The following ELP2 variants were observed in gnomAD, a reference collection of about 807,000 sequenced individuals.
ELP2 encodes elongator complex protein 2.
In ELP2, 90 loss-of-function variants were observed where a neutral mutation model predicts 119.2. The ratio of observed to expected loss-of-function variants is 0.75; its 90% confidence interval spans 0.64 to 0.90. ELP2 has a LOEUF of 0.90. Ranked by LOEUF, ELP2 falls within the 40% of genes least tolerant of loss-of-function variation. The probability of loss-of-function intolerance (pLI) is 0.00; values close to 1 mark genes in which losing one functional copy is unlikely to be tolerated. For missense variants in ELP2, 921 were observed against 967.8 expected (o/e 0.95, Z 0.64); for synonymous variants, 339 against 331.0 (o/e 1.02, Z -0.26).
chr18:36,154,344 C>T (rs1268656919), intron 11 of ELP2, among the ~76,000 whole-genome samples: 1 of 152,132 alleles, frequency 6.6e-6, no homozygotes, highest in Non-Finnish European at 1.5e-5. Context: ...TCCTCTACAC[C>T]TGTAACTCTT....
intron 16 of ELP2, 91 bp downstream of exon 16, chr18:36,160,106 T>TATGTAAAAGTGAATTCTA: frequency 8.1e-7 from 1 of 1,230,622 alleles, no homozygotes; most frequent in South Asian, 1.2e-5. Flanking sequence ...CTCCTTTTTC[T>TATGTAAAAGTGAATTCTA]TCCTTCTACC....
At chr18:36,148,256 G>C (rs964471792) in intron 11 of ELP2, among the ~76,000 whole-genome samples, 4 of 151,982 alleles carry the variant, frequency 2.6e-5, no homozygotes, top group African/African-American at 9.7e-5. Flanking sequence ...ACCACACCTG[G>C]CTAATTTTTT....
chr18:36,163,275 G>GT lies in ELP2; in HGVS notation c.1762-1200_1762-1199insT, dbSNP rs1555644860. Among the ~76,000 whole-genome samples, 61 of 145,448 alleles carry GT rather than the reference G, an allele frequency of 4.2e-4. No homozygotes were observed. The East Asian group carries it at 8.3e-3, about 20-fold the overall frequency. On this transcript the variant is annotated intron_variant, in intron 17 of 21. Coordinates refer to ENST00000358232, the MANE Select transcript of ELP2 (RefSeq NM_018255.4). ...TATGGCCGAGTAGTAGTTCATGGGG[G>GT]GTGTGTGTGTGTGTGTGTGTGTGTA...
At chr18:36,149,023 T>G (rs1256302761) in intron 11 of ELP2, among the ~76,000 whole-genome samples, 1 of 152,258 alleles carries the variant, frequency 6.6e-6, no homozygotes, top group Non-Finnish European at 1.5e-5. Context: ...CAATATTATA[T>G]ACAACTTCAC....
At chr18:36,163,313 T>A (rs1371042833) in intron 17 of ELP2, among the ~76,000 whole-genome samples, 2 of 143,616 alleles carry the variant, frequency 1.4e-5, no homozygotes, top group Non-Finnish European at 3.1e-5. Flanking sequence ...CACCACATTT[T>A]AAAAATCCAA....
intron 21 of ELP2, among the ~76,000 whole-genome samples, 171 bp downstream of exon 21, chr18:36,171,331 T>C (rs2091076171): frequency 6.6e-6 from 1 of 152,218 alleles, no homozygotes; most frequent in Admixed American, 6.5e-5. Flanking sequence ...CTGAAATTGA[T>C]ATATTGCACT....
In ELP2 at chr18:36,170,046, T is replaced by C; in HGVS notation, c.2077-17T>C. 1 of 1,613,760 alleles carries C rather than the reference T, an allele frequency of 6.2e-7. No homozygotes were observed. The highest frequency in any genetic ancestry group is 8.5e-7 in the Non-Finnish European group (1 of 1,179,638). ...TGCAAAGAGAAGGCTTTACAGTGTG[T>C]GATCTGTCTGTATTAGGTGGTTGTC... On this transcript the variant is annotated splice_polypyrimidine_tract_variant and intron_variant, in intron 19 of 21. Transcript: ENST00000358232.
intron 12 of ELP2, among the ~76,000 whole-genome samples, chr18:36,156,264 A>G (rs2090569240): frequency 6.6e-6 from 1 of 152,232 alleles, no homozygotes; most frequent in Non-Finnish European, 1.5e-5. Flanking sequence ...AGTCAACTGA[A>G]AAACAAGTCA....
intron 2 of ELP2, among the ~76,000 whole-genome samples, chr18:36,134,541 T>C (rs2089758659): frequency 6.6e-6 from 1 of 152,238 alleles, no homozygotes; most frequent in African/African-American, 2.4e-5. Flanking sequence ...CCATTGTTAT[T>C]TTTAAGTAAA....
At chr18:36,145,164 A>G (rs757832615) in intron 9 of ELP2, 130 bp downstream of exon 9, 4 of 748,572 alleles carry the variant, frequency 5.3e-6, no homozygotes, top group Non-Finnish European at 9.6e-6. Flanking sequence ...TCAAGTTGAC[A>G]AAGTATAATA....
chr18:36,167,026 C>G, intron 18 of ELP2, 75 bp from the exon 19 acceptor site: 1 of 1,487,310 alleles, frequency 6.7e-7, no homozygotes, highest in Non-Finnish European at 9.0e-7. Context: ...GTATATGGCA[C>G]TTAAACATCA....
At chr18:36,151,086 T>G (rs551931835) in intron 11 of ELP2, among the ~76,000 whole-genome samples, 1 of 150,860 alleles carries the variant, frequency 6.6e-6, no homozygotes, top group African/African-American at 2.4e-5. Flanking sequence ...AGCTTTTTTT[T>G]TTTTTTCTCT....
chr18:36,155,281 C>T (rs2090538599), intron 12 of ELP2, among the ~76,000 whole-genome samples: 1 of 149,316 alleles, frequency 6.7e-6, no homozygotes. Flanking sequence ...CCCCCGCCTC[C>T]CAAAGTGCTG....
At chr18:36,141,613 C>T (rs1225995129) in intron 6 of ELP2, among the ~76,000 whole-genome samples, 1 of 151,656 alleles carries the variant, frequency 6.6e-6, no homozygotes, top group Non-Finnish European at 1.5e-5. Flanking sequence ...TAACTCTAAA[C>T]TCATTTATTT....
intron 5 of ELP2, among the ~76,000 whole-genome samples, chr18:36,140,641 A>G (rs1379392354): frequency 6.6e-6 from 1 of 152,242 alleles, no homozygotes; most frequent in African/African-American, 2.4e-5. Flanking sequence ...GGCATGAGCC[A>G]CCACACCCAG....
In ELP2 at chr18:36,169,138, C is replaced by G. The variant is rs578116316; in HGVS notation, c.2077-925C>G. ...ACGGGGTTTCACCATGTGGGCCAGGCTGGTTTTGAACTCCTGGCCTCAAGC... is the reference window on the plus strand; with the variant it reads ...ACGGGGTTTCACCATGTGGGCCAGGGTGGTTTTGAACTCCTGGCCTCAAGC... On this transcript the variant is annotated intron_variant, in intron 19 of 21. Transcript: ENST00000358232. Among the ~76,000 whole-genome samples the G allele has an allele frequency of 6.6e-5, 10 of 151,540 alleles. No individual in the cohort carries two copies. The East Asian group carries it at 2.0e-3, about 30-fold the overall frequency.
At position 36,175,225 on chromosome 18, in the gene ELP2, T is replaced by G. The variant is rs941658469; in HGVS notation, c.*584T>G. On this transcript the variant is annotated 3_prime_UTR_variant, in exon 22 of 22. Transcript: ENST00000358232. The stretch of plus-strand genomic sequence containing the variant: ...CTGGATTTGCCCAATTTTGTGTTAT[T>G]TTGGGACTTAATTTGTCCCTCTTTG... 2.6e-5 allele frequency: 4 copies of G among 152,556 alleles called. 1 individual carries two copies. In the Middle Eastern group the frequency reaches 0.01, roughly 389 times the overall value. The allele number at this position is 152,556 out of a possible 1,614,324, so 9.5% of individuals were successfully genotyped here. A position where few individuals can be genotyped will look rare whatever the true frequency, so the allele number is the denominator to read the frequency against.
chr18:36,168,913 C>CTTT (rs61459855), intron 19 of ELP2, among the ~76,000 whole-genome samples: 1 of 69,258 alleles, frequency 1.4e-5, no homozygotes, highest in African/African-American at 6.1e-5. Context: ...CTCTCCATTT[C>CTTT]TTTTTTTTTT....
At chr18:36,158,622 T>C (rs1219661907) in intron 13 of ELP2, 13 of 485,350 alleles carry the variant, frequency 2.7e-5, no homozygotes, top group Non-Finnish European at 1.1e-5. Context: ...CTGGTAGGGC[T>C]TGTCTGTTGG....
Sources: gnomAD v4.1 joint callset for allele counts (sites outside exome capture counted in the v4.1 genomes callset) on GRCh38, gnomAD v4.1.1 for gene constraint, MANE v1.5 for transcripts, NCBI Gene and HGNC (gene_info 2026-07-23, HGNC 2026-07-21) for gene names.